GABRB3: variants seen among roughly 807,000 people sequenced by gnomAD.
The protein encoded by GABRB3 is gamma-aminobutyric acid receptor subunit beta-3.
In GABRB3, 14 loss-of-function variants were observed where a neutral mutation model predicts 52.1. That is an observed-to-expected ratio of 0.27 (90% CI 0.18 to 0.42). The LOEUF (loss-of-function observed/expected upper bound fraction) is 0.42, where lower values mean the gene tolerates loss of function less well. Ranked by LOEUF, GABRB3 falls within the 10% of genes least tolerant of loss-of-function variation. The probability of loss-of-function intolerance (pLI) is 1.00; values close to 1 mark genes in which losing one functional copy is unlikely to be tolerated. For synonymous variants in GABRB3, 260 were observed against 232.3 expected (o/e 1.12, Z -1.08); for missense variants, 307 against 609.1 (o/e 0.50, Z 5.22).
At position 26,549,684 on chromosome 15, in the gene GABRB3, A is replaced by G. The variant is rs1889386616; in HGVS notation, c.1081-1550T>C. Among the ~76,000 whole-genome samples the G allele has an allele frequency of 2.0e-5, 3 of 152,116 alleles. No homozygotes were observed. The South Asian group carries it at 6.2e-4, about 32-fold the overall frequency. On this transcript the variant is annotated intron_variant, in intron 8 of 8. Coordinates refer to ENST00000311550, the MANE Select transcript of GABRB3 (RefSeq NM_000814.6). ...CCATGAGTGGAACCTAAGTGCTCAG[A>G]CTGAAGAGTTAAGAAGCAACCACCA...
At chr15:26,606,811 T>G (rs564597736) in intron 4 of GABRB3, among the ~76,000 whole-genome samples, 2 of 75,300 alleles carry the variant, frequency 2.7e-5, no homozygotes, top group African/African-American at 7.9e-5. Flanking sequence ...TATCTATAGA[T>G]AGATAGATAG....
At chr15:26,639,136 G>A (rs2140569032) in intron 3 of GABRB3, among the ~76,000 whole-genome samples, 1 of 152,138 alleles carries the variant, frequency 6.6e-6, no homozygotes, top group Admixed American at 6.5e-5. Context: ...GTCTGAGGAT[G>A]GCCTCAGCAT....
chr15:26,731,217 G>C (rs1005596237), intron 3 of GABRB3, among the ~76,000 whole-genome samples: 2 of 152,106 alleles, frequency 1.3e-5, no homozygotes, highest in African/African-American at 4.8e-5. Context: ...AATAATGAAA[G>C]AAATCACCAA....
intron 3 of GABRB3, among the ~76,000 whole-genome samples, chr15:26,682,623 G>A (rs1888273609): frequency 6.6e-6 from 1 of 152,176 alleles, no homozygotes; most frequent in African/African-American, 2.4e-5. Flanking sequence ...CCCCTAACTA[G>A]CAGGGTGACT....
At chr15:26,640,283 C>G (rs1356600141) in intron 3 of GABRB3, among the ~76,000 whole-genome samples, 1 of 152,134 alleles carries the variant, frequency 6.6e-6, no homozygotes, top group African/African-American at 2.4e-5. Flanking sequence ...TTTGGGAGGC[C>G]GAGGCAGGCA....
chr15:26,575,616 A>G (rs1190822838), intron 6 of GABRB3, among the ~76,000 whole-genome samples: 1 of 152,196 alleles, frequency 6.6e-6, no homozygotes, highest in Non-Finnish European at 1.5e-5. Context: ...TGGACTCTTA[A>G]AGAGAAAGCT....
chr15:26,681,870 G>A (rs1888250496), intron 3 of GABRB3, among the ~76,000 whole-genome samples: 1 of 152,102 alleles, frequency 6.6e-6, no homozygotes, highest in Admixed American at 6.5e-5. Flanking sequence ...TATCTGGGAG[G>A]TGGAGGTGGA....
intron 3 of GABRB3, among the ~76,000 whole-genome samples, chr15:26,705,558 C>T (rs1240791752): frequency 6.6e-6 from 1 of 152,152 alleles, no homozygotes; most frequent in Non-Finnish European, 1.5e-5. Context: ...GTTGATACAA[C>T]TCAAACATGG....
At chr15:26,665,900 T>C (rs1192920193) in intron 3 of GABRB3, among the ~76,000 whole-genome samples, 2 of 152,144 alleles carry the variant, frequency 1.3e-5, no homozygotes, top group African/African-American at 4.8e-5. Flanking sequence ...ATGATAACAA[T>C]AAAAAGTGTG....
chr15:26,622,990 A>C (rs373270526), intron 3 of GABRB3, among the ~76,000 whole-genome samples: 1 of 152,180 alleles, frequency 6.6e-6, no homozygotes, highest in Non-Finnish European at 1.5e-5. Context: ...AGATGAAAAG[A>C]AGCAGGCATT....
At chr15:26,593,482 A>C (rs1385425387) in intron 4 of GABRB3, among the ~76,000 whole-genome samples, 1 of 152,148 alleles carries the variant, frequency 6.6e-6, no homozygotes, top group African/African-American at 2.4e-5. Flanking sequence ...CCCTAACCCC[A>C]GGCCCAGTAA....
chr15:26,572,486 T>C (rs972104836), intron 6 of GABRB3, among the ~76,000 whole-genome samples: 2 of 152,232 alleles, frequency 1.3e-5, no homozygotes, highest in Non-Finnish European at 2.9e-5. Flanking sequence ...AAGAATTATC[T>C]GACGTAGTAG....
At chr15:26,594,003 T>TATATATAA (rs1555369554) in intron 4 of GABRB3, among the ~76,000 whole-genome samples, 1 of 138,168 alleles carries the variant, frequency 7.2e-6, no homozygotes, top group African/African-American at 2.7e-5. Flanking sequence ...TATATATATA[T>TATATATAA]AATAGCCATC....
At chr15:26,699,945 AAATT>A (rs150700136) in intron 3 of GABRB3, among the ~76,000 whole-genome samples, 20,397 of 151,936 alleles carry the variant, frequency 0.13, 1,489 homozygotes, top group Non-Finnish European at 0.17. Context: ...AAAACTGGAA[AAATT>A]AGATAATATT....
At chr15:26,672,977 T>A (rs1887945437) in intron 3 of GABRB3, among the ~76,000 whole-genome samples, 1 of 145,350 alleles carries the variant, frequency 6.9e-6, no homozygotes, top group Admixed American at 6.8e-5. Context: ...ATGTCATACT[T>A]ACTTATCAAA....
At chr15:26,665,068 T>C (rs572647531) in intron 3 of GABRB3, among the ~76,000 whole-genome samples, 202 of 152,288 alleles carry the variant, frequency 1.3e-3, no homozygotes, top group African/African-American at 4.7e-3. Context: ...TTTTAATGTA[T>C]ATTTTATATA....
chr15:26,562,203 G>A (rs1890016168), intron 7 of GABRB3, among the ~76,000 whole-genome samples: 1 of 152,172 alleles, frequency 6.6e-6, no homozygotes, highest in Non-Finnish European at 1.5e-5. Context: ...TCACTCCCTT[G>A]TGGTAGGGTG....
intron 3 of GABRB3, among the ~76,000 whole-genome samples, chr15:26,628,026 A>G (rs1892772869): frequency 6.6e-6 from 1 of 152,352 alleles, no homozygotes; most frequent in South Asian, 2.1e-4. Context: ...CACTGAGGCA[A>G]GACCCTCCAC....
chr15:26,591,774 G>A (rs1353637406), intron 4 of GABRB3, among the ~76,000 whole-genome samples: 1 of 152,120 alleles, frequency 6.6e-6, no homozygotes, highest in Non-Finnish European at 1.5e-5. Flanking sequence ...GAACTGCATT[G>A]TCCAAAACAG....
Sources: allele counts gnomAD v4.1 joint callset (sites outside exome capture counted in the v4.1 genomes callset), GRCh38; gene constraint gnomAD v4.1.1; transcripts MANE v1.5; gene names NCBI Gene and HGNC (gene_info 2026-07-23, HGNC 2026-07-21).